FANCA: variants seen among roughly 807,000 people sequenced by gnomAD.
FANCA encodes Fanconi anemia group A protein.
In FANCA, 236 loss-of-function variants were observed where a neutral mutation model predicts 194.3. The ratio of observed to expected loss-of-function variants is 1.21; its 90% CI spans 1.09 to 1.35. FANCA has a LOEUF of 1.35. FANCA is among the 40% of genes most tolerant of loss of function. FANCA has a pLI of 0.00. For synonymous variants in FANCA, 1,014 were observed against 715.8 expected, an observed-to-expected ratio of 1.42 and a Z score of -6.65; for missense variants, 2,628 against 1,813.9, an observed-to-expected ratio of 1.45 and a Z score of -8.15.
At chr16:89,766,082 T>C (rs2039118180) in intron 27 of FANCA, among the ~76,000 whole-genome samples, 1 of 151,900 alleles carries the variant, frequency 6.6e-6, no homozygotes, top group Non-Finnish European at 1.5e-5. Context: ...CTGCAACCTT[T>C]GCCTCCCTGG....
chr16:89,808,592 C>T (rs367599183), intron 5 of FANCA, among the ~76,000 whole-genome samples: 16 of 152,262 alleles, frequency 1.1e-4, no homozygotes, highest in East Asian at 3.9e-4. Context: ...CACCGTTGCC[C>T]AACACTTGCT....
chr16:89,802,848 C>T (rs2040502915), intron 8 of FANCA, among the ~76,000 whole-genome samples: 1 of 152,094 alleles, frequency 6.6e-6, no homozygotes, highest in Admixed American at 6.6e-5. Flanking sequence ...AAAAGTGGCT[C>T]TTGTGGAGGT....
chr16:89,775,720 G>C (rs2039477969), intron 21 of FANCA, 22 bp downstream of exon 21: 3 of 1,599,616 alleles, frequency 1.9e-6, no homozygotes, highest in Non-Finnish European at 2.6e-6. Context: ...TCCCAGAGTG[G>C]ACAAGCGGCC....
At chr16:89,743,920 G>A (rs1008170532) in intron 36 of FANCA, among the ~76,000 whole-genome samples, 3 of 151,964 alleles carry the variant, frequency 2.0e-5, no homozygotes, top group Non-Finnish European at 2.9e-5. Context: ...TTTTTGAGAT[G>A]GAGTTTCTCT....
chr16:89,740,349 A>G, intron 38 of FANCA: 1 of 538,262 alleles, frequency 1.9e-6, no homozygotes, highest in Non-Finnish European at 3.3e-6. Context: ...ATTAAAAGAA[A>G]GGCCCACAGG....
chr16:89,758,177 A>T (rs923660475), intron 30 of FANCA, among the ~76,000 whole-genome samples: 2 of 152,206 alleles, frequency 1.3e-5, no homozygotes, highest in African/African-American at 4.8e-5. Flanking sequence ...GCTTCTGACA[A>T]GTCTATACAC....
chr16:89,739,578 G>C, intron 39 of FANCA, 25 bp from the exon 40 acceptor site: 1 of 1,550,044 alleles, frequency 6.5e-7, no homozygotes, highest in Middle Eastern at 1.7e-4. Context: ...AGTGGCTCAG[G>C]CAACTCTGGA....
At chr16:89,768,838 C>G (rs1414508442) in intron 26 of FANCA, among the ~76,000 whole-genome samples, 1 of 152,128 alleles carries the variant, frequency 6.6e-6, no homozygotes, top group Non-Finnish European at 1.5e-5. Context: ...CCCTGTCTCC[C>G]CCAAGCCACC....
Position 89,814,206 on chromosome 16 carries a change from A to G in FANCA, c.283+314T>C, listed in dbSNP as rs17225754. 5.4e-4 allele frequency among the ~76,000 whole-genome samples: 83 copies of G among 152,348 alleles called. 1 individual carries two copies. The South Asian group carries it at 0.01, about 19-fold the overall frequency. Reference sequence around the variant, plus strand: ...TTCTCCCGTCTGCTCTCCTGGGCACACCACAGCCTGTCTCACTACTTCCAT... The same window carrying G: ...TTCTCCCGTCTGCTCTCCTGGGCACGCCACAGCCTGTCTCACTACTTCCAT... On this transcript the variant is annotated intron_variant, in intron 3 of 42. Coordinates refer to ENST00000389301, the MANE Select transcript of FANCA (RefSeq NM_000135.4).
At chr16:89,777,204 A>G (rs1598123807) in intron 20 of FANCA, among the ~76,000 whole-genome samples, 1 of 150,544 alleles carries the variant, frequency 6.6e-6, no homozygotes, top group South Asian at 2.1e-4. Context: ...GCGGAGGGGG[A>G]AGGATTGTTG....
In FANCA at chr16:89,784,983, G is replaced by C. The variant is rs766723015; in HGVS notation, c.1360-19C>G. On this transcript the variant is annotated intron_variant, in intron 14 of 42. Coordinates refer to ENST00000389301, the MANE Select transcript of FANCA (RefSeq NM_000135.4). The stretch of plus-strand genomic sequence containing the variant: ...AGGAGGCCTGTGTGGAGAGAAGAGC[G>C]TGAAGCCCAGGACAGCCAGGCGCGG... The C allele has an allele frequency of 6.3e-7, 1 of 1,587,536 alleles. No individual in the cohort carries two copies. The highest frequency in any genetic ancestry group is 8.6e-7 in the Non-Finnish European group (1 of 1,156,992).
intron 6 of FANCA, among the ~76,000 whole-genome samples, chr16:89,807,784 G>A (rs1375091844): frequency 1.3e-5 from 2 of 152,148 alleles, no homozygotes; most frequent in Admixed American, 6.5e-5. Flanking sequence ...TCGGGAAGCT[G>A]AGGCAGGAGA....
intron 11 of FANCA, among the ~76,000 whole-genome samples, chr16:89,794,628 G>A (rs1290477684): frequency 6.6e-6 from 1 of 152,168 alleles, no homozygotes; most frequent in Non-Finnish European, 1.5e-5. Context: ...TCAGTCAAGT[G>A]ATGATAAACT....
chr16:89,807,796 T>C (rs554104309), intron 6 of FANCA, among the ~76,000 whole-genome samples: 27 of 152,196 alleles, frequency 1.8e-4, no homozygotes, highest in African/African-American at 5.3e-4. Context: ...GGCAGGAGAA[T>C]GGCGTGAACC....
At chr16:89,745,655 A>G (rs112682819) in intron 35 of FANCA, among the ~76,000 whole-genome samples, 2 of 70,136 alleles carry the variant, frequency 2.9e-5, no homozygotes, top group Non-Finnish European at 4.6e-5. Context: ...AGCTGGGAAC[A>G]AAACAGTGAA....
At chr16:89,796,885 G>T (rs979397013) in intron 10 of FANCA, among the ~76,000 whole-genome samples, 1 of 152,096 alleles carries the variant, frequency 6.6e-6, no homozygotes, top group Admixed American at 6.6e-5. Flanking sequence ...TAGGCCAGGC[G>T]CATTGGCTCA....
At chr16:89,799,989 G>A (rs190323783) in intron 8 of FANCA, among the ~76,000 whole-genome samples, 3 of 152,248 alleles carry the variant, frequency 2.0e-5, no homozygotes, top group East Asian at 3.9e-4. Context: ...GCCAGACTCC[G>A]TCTCGGAAAA....
At chr16:89,813,492 G>C (rs1232605475) in intron 3 of FANCA, among the ~76,000 whole-genome samples, 1 of 151,906 alleles carries the variant, frequency 6.6e-6, no homozygotes, top group Non-Finnish European at 1.5e-5. Flanking sequence ...GAGTGCAATG[G>C]AGGGGTCTCG....
At position 89,808,313 on chromosome 16, in the gene FANCA, G is replaced by C. The variant is rs141861208; in HGVS notation, c.577C>G (p.Leu193Val). Residue 193 changes from leucine to valine, a missense_variant, in exon 6 of 43, where the codon CTG becomes GTG. Leu to Val is a conservative substitution (Grantham distance 32). Transcript: ENST00000389301. ...CGCTACCTTTCCAGCAGCTCTTGCA[G>C]GCTCACAATGCCTTGTACGTGAAGA... ...WHLHVQGIVS[L>V]QELLESHPDM... 4.3e-4 allele frequency: 701 copies of C among 1,613,970 alleles called. 1 individual carries two copies. The highest frequency in any genetic ancestry group is 5.6e-4 in the Non-Finnish European group (664 of 1,180,000).
Sources: gnomAD v4.1 joint callset for allele counts (sites outside exome capture counted in the v4.1 genomes callset) on GRCh38, gnomAD v4.1.1 for gene constraint, MANE v1.5 for transcripts, NCBI Gene and HGNC (gene_info 2026-07-23, HGNC 2026-07-21) for gene names.